The following ISM1 variants were observed in gnomAD, a reference collection of about 807,000 sequenced individuals.
The protein encoded by ISM1 is isthmin-1.
Under a neutral mutation model 46.3 loss-of-function variants are expected in ISM1, and 25 were observed. The observed-to-expected ratio is 0.54, with a 90% CI of 0.39 to 0.75. ISM1 has a LOEUF of 0.75. Among genes scored for constraint, ISM1 ranks in the 30% least tolerant of loss-of-function variants. The pLI is 0.00. For synonymous variants in ISM1, 255 were observed against 256.7 expected (o/e 0.99, Z 0.06); for missense variants, 536 against 625.4 (o/e 0.86, Z 1.52).
Position 13,299,400 on chromosome 20 carries a change from A to G in ISM1, c.1336A>G (p.Thr446Ala). The G allele has an allele frequency of 6.2e-7, 1 of 1,612,936 alleles. No homozygotes were observed. Among genetic ancestry groups the G allele is most frequent in the South Asian group, 1.1e-5 (1 of 91,084 alleles). The change falls in exon 6 of 6, where the codon ACA (threonine) becomes GCA (alanine). Residue 446 changes from threonine (T) to alanine (A), a missense_variant. By Grantham distance (58) the Thr-to-Ala change is moderately conservative. Transcript: ENST00000262487. This position sits in a 1 kb window ranked among gnomAD's most constrained non-coding sequence, Gnocchi z 5.8. The stretch of plus-strand genomic sequence containing the variant: ...GCCTCCCAACAACGGACAGAAGTGC[A>G]CAGAGAGCCCCTCGGACGAGGACTA... Reference protein sequence around the residue: ...ARPPNNGQKCTESPSDEDYIK... With the variant: ...ARPPNNGQKCAESPSDEDYIK...
the ISM1 span, among the ~76,000 whole-genome samples, chr20:13,321,114 G>A: frequency 3.9e-5 from 6 of 151,952 alleles, no homozygotes; most frequent in African/African-American, 7.2e-5. Flanking sequence ...CATGAGAATC[G>A]TTTGAACCCA....
At chr20:13,300,779 G>A (rs1356322297), downstream of ISM1, 2 of 152,238 alleles carry the variant, frequency 1.3e-5, no homozygotes. Context: ...TGACATGATT[G>A]TGGGTGGTGT....
At chr20:13,277,366 C>T (rs2040191068) in intron 2 of ISM1, among the ~76,000 whole-genome samples, 1 of 152,124 alleles carries the variant, frequency 6.6e-6, no homozygotes. Flanking sequence ...CAGCCTCTCC[C>T]CTCCAAGACC....
At chr20:13,248,943 G>A (rs2039833757) in intron 1 of ISM1, among the ~76,000 whole-genome samples, 1 of 152,318 alleles carries the variant, frequency 6.6e-6, no homozygotes. Flanking sequence ...CTGGTAGAAA[G>A]TGCTGTAACT....
chr20:13,287,589 GT>G (rs2040307928), intron 3 of ISM1, among the ~76,000 whole-genome samples: 2 of 152,200 alleles, frequency 1.3e-5, no homozygotes, highest in South Asian at 2.1e-4. Flanking sequence ...TAATTCACTT[GT>G]TTTTTGTGTT....
the ISM1 span, among the ~76,000 whole-genome samples, chr20:13,312,878 T>A: frequency 1.3e-5 from 2 of 152,306 alleles, no homozygotes; most frequent in Non-Finnish European, 1.5e-5. Flanking sequence ...CCATTTCTTC[T>A]TTTCCCCACT....
At chr20:13,292,207 A>G (rs954334647) in intron 4 of ISM1, among the ~76,000 whole-genome samples, 167 bp from the exon 5 acceptor site, 1 of 152,224 alleles carries the variant, frequency 6.6e-6, no homozygotes, top group Non-Finnish European at 1.5e-5. Flanking sequence ...TAGTTTCTGC[A>G]CTACGACCTG....
At chr20:13,317,122 C>A in the ISM1 span, among the ~76,000 whole-genome samples, 1 of 151,856 alleles carries the variant, frequency 6.6e-6, no homozygotes, top group Non-Finnish European at 1.5e-5. Flanking sequence ...CACAAATGTT[C>A]ATTGCTGTAT....
intron 2 of ISM1, among the ~76,000 whole-genome samples, chr20:13,273,138 G>T (rs2040134821): frequency 6.6e-6 from 1 of 152,058 alleles, no homozygotes; most frequent in Non-Finnish European, 1.5e-5. Context: ...AGAACTTCTT[G>T]GGATCCCCTT....
intron 1 of ISM1, among the ~76,000 whole-genome samples, chr20:13,248,922 A>C (rs1351550385): frequency 6.6e-6 from 1 of 152,342 alleles, no homozygotes; most frequent in South Asian, 2.1e-4. Flanking sequence ...GAGTTGATCA[A>C]CATGAAAATA....
At chr20:13,276,193 C>A (rs1475933067) in intron 2 of ISM1, among the ~76,000 whole-genome samples, 1 of 152,178 alleles carries the variant, frequency 6.6e-6, no homozygotes, top group East Asian at 1.9e-4. Flanking sequence ...TGGAAAATAC[C>A]TGCCCACTCC....
At position 13,288,697 on chromosome 20, in the gene ISM1, A is replaced by G; in HGVS notation, c.787+14A>G. ...CAAACTGCCCAGGTGCGTTTACCTG[A>G]GTGTGTAGCTCCAAGTTCAAGGGGA... On this transcript the variant is annotated intron_variant, in intron 4 of 5. Transcript: ENST00000262487. The G allele has an allele frequency of 6.2e-7, 1 of 1,608,188 alleles. No individual in the cohort carries two copies. The highest frequency in any genetic ancestry group is 8.5e-7 in the Non-Finnish European group (1 of 1,175,112).
chr20:13,262,715 A>G (rs1033870415), intron 1 of ISM1, among the ~76,000 whole-genome samples: 3 of 152,168 alleles, frequency 2.0e-5, no homozygotes, highest in Non-Finnish European at 4.4e-5. Context: ...TATTCAAGAC[A>G]CACCAGTGAA....
downstream of ISM1, among the ~76,000 whole-genome samples, chr20:13,301,818 T>C (rs2040460706): frequency 6.6e-6 from 1 of 152,110 alleles, no homozygotes; most frequent in East Asian, 1.9e-4. Flanking sequence ...CTCAACTGGG[T>C]GATCAGGAGA....
chr20:13,239,544 T>C (rs1408561734), intron 1 of ISM1: 1 of 152,236 alleles, frequency 6.6e-6, no homozygotes, highest in Non-Finnish European at 1.5e-5. Context: ...CTACATGAAG[T>C]ACCTTTTGTG....
the ISM1 span, among the ~76,000 whole-genome samples, chr20:13,321,379 A>T: frequency 6.6e-6 from 1 of 152,060 alleles, no homozygotes; most frequent in African/African-American, 2.4e-5. Flanking sequence ...AAATTCTTAC[A>T]GCTAGTGTGG....
intron 1 of ISM1, among the ~76,000 whole-genome samples, chr20:13,259,841 C>G (rs761795847): frequency 1.3e-5 from 2 of 152,248 alleles, no homozygotes; most frequent in Non-Finnish European, 2.9e-5. Context: ...TGCCCCAATA[C>G]TAAGTGATAA....
the ISM1 span, among the ~76,000 whole-genome samples, chr20:13,306,121 G>C: frequency 6.6e-6 from 1 of 152,146 alleles, no homozygotes; most frequent in Non-Finnish European, 1.5e-5. Context: ...TTTCATTCTT[G>C]AGGCATGTAA....
At chr20:13,309,092 G>C in the ISM1 span, among the ~76,000 whole-genome samples, 1 of 152,086 alleles carries the variant, frequency 6.6e-6, no homozygotes, top group East Asian at 1.9e-4. Flanking sequence ...GTATATGAAA[G>C]TAGTATACAA....
Sources: gnomAD v4.1 joint callset for allele counts (sites outside exome capture counted in the v4.1 genomes callset) on GRCh38, gnomAD v4.1.1 for gene constraint, Gnocchi (gnomAD v3.1) non-coding constraint, MANE v1.5 for transcripts, NCBI Gene and HGNC (gene_info 2026-07-23, HGNC 2026-07-21) for gene names.